Variants in FAF1 observed in about 807,000 individuals in gnomAD.
FAF1 encodes the protein FAS-associated factor 1.
FAF1 carries 25 observed loss-of-function variants against 92.5 expected under a neutral mutation model. That is an observed-to-expected ratio of 0.27 (90% confidence interval 0.20 to 0.38). The LOEUF is 0.38. Among genes scored for constraint, FAF1 ranks in the 10% least tolerant of loss-of-function variants. The pLI is 1.00. For missense variants in FAF1, 636 were observed against 793.3 expected (o/e 0.80, Z 2.38); for synonymous variants, 234 against 273.2 (o/e 0.86, Z 1.42).
chr1:50,694,030 T>TATGACATATACATGACATAC (rs1553129199), intron 7 of FAF1, among the ~76,000 whole-genome samples: 1 of 150,554 alleles, frequency 6.6e-6, no homozygotes, highest in African/African-American at 2.5e-5. Context: ...ATGACATATA[T>TATGACATATACATGACATAC]ATGACATATA....
intron 18 of FAF1, among the ~76,000 whole-genome samples, chr1:50,456,789 T>C (rs570052642): frequency 1.3e-4 from 20 of 151,960 alleles, no homozygotes; most frequent in Non-Finnish European, 2.2e-4. Context: ...TTCAGAACAG[T>C]AAAGGGCCAC....
chr1:50,718,964 A>C (rs1336148969), intron 6 of FAF1, among the ~76,000 whole-genome samples: 1 of 152,252 alleles, frequency 6.6e-6, no homozygotes, highest in African/African-American at 2.4e-5. Context: ...GGTTATTTAC[A>C]CTAAAACAAA....
At chr1:50,636,470 A>G (rs2124225132) in intron 8 of FAF1, among the ~76,000 whole-genome samples, 1 of 132,772 alleles carries the variant, frequency 7.5e-6, no homozygotes, top group African/African-American at 3.0e-5. Context: ...ACTGCAATCT[A>G]TGCCTCCCGG....
intron 15 of FAF1, among the ~76,000 whole-genome samples, chr1:50,511,018 A>C (rs749851610): frequency 1.3e-5 from 2 of 152,208 alleles, no homozygotes; most frequent in Non-Finnish European, 2.9e-5. Context: ...CTAGAAAGTT[A>C]ATTTCTTGTC....
intron 6 of FAF1, among the ~76,000 whole-genome samples, chr1:50,730,808 T>C (rs1460345005): frequency 6.6e-6 from 1 of 152,206 alleles, no homozygotes; most frequent in Non-Finnish European, 1.5e-5. Context: ...TATTTGCTCT[T>C]GAACTTCCCT....
intron 1 of FAF1, among the ~76,000 whole-genome samples, chr1:50,931,666 G>A (rs1439745935): frequency 6.6e-6 from 1 of 152,012 alleles, no homozygotes; most frequent in African/African-American, 2.4e-5. Context: ...AGCAGGTTGA[G>A]ACCATCCTAG....
chr1:50,946,605 GT>G (rs1319752682), intron 1 of FAF1, among the ~76,000 whole-genome samples: 3 of 152,308 alleles, frequency 2.0e-5, no homozygotes, highest in Admixed American at 1.3e-4. Context: ...AAGGATCTGA[GT>G]TTTATCCTGC....
intron 8 of FAF1, among the ~76,000 whole-genome samples, chr1:50,639,970 A>C (rs2124240492): frequency 6.7e-6 from 1 of 148,532 alleles, no homozygotes; most frequent in East Asian, 2.0e-4. Context: ...CTTTGTTGTT[A>C]TTTGTTGTTA....
intron 2 of FAF1, among the ~76,000 whole-genome samples, chr1:50,834,881 G>A (rs567859787): frequency 5.1e-4 from 77 of 152,146 alleles, no homozygotes; most frequent in Non-Finnish European, 7.9e-4. Flanking sequence ...GTATGCACAC[G>A]GCAAAGAAAA....
intron 8 of FAF1, among the ~76,000 whole-genome samples, chr1:50,639,300 T>C (rs761118380): frequency 3.9e-4 from 60 of 152,346 alleles, no homozygotes; most frequent in Admixed American, 1.9e-3. Flanking sequence ...CATTCCCCTT[T>C]GGAAAATATA....
At chr1:50,651,678 TTTTGTTGGTAAC>T (rs1412296716) in intron 8 of FAF1, among the ~76,000 whole-genome samples, 1 of 152,184 alleles carries the variant, frequency 6.6e-6, no homozygotes, top group Non-Finnish European at 1.5e-5. Context: ...TTAATTATAT[TTTTGTTGGTAAC>T]ACATTTCAGG....
At chr1:50,637,670 C>CAT (rs1430026587) in intron 8 of FAF1, among the ~76,000 whole-genome samples, 4 of 108,172 alleles carry the variant, frequency 3.7e-5, no homozygotes, top group African/African-American at 7.5e-5. Context: ...CTGTGGCTCA[C>CAT]ACATATATAT....
chr1:50,678,917 C>T (rs1174897660), intron 7 of FAF1, among the ~76,000 whole-genome samples: 2 of 151,080 alleles, frequency 1.3e-5, no homozygotes, highest in African/African-American at 4.9e-5. Context: ...GAAACCCCAT[C>T]TCTACTAAAA....
intron 6 of FAF1, among the ~76,000 whole-genome samples, chr1:50,733,306 C>T (rs1472975422): frequency 2.0e-5 from 3 of 152,186 alleles, no homozygotes; most frequent in Non-Finnish European, 4.4e-5. Flanking sequence ...GTACTGAAAT[C>T]TAGATCCCAG....
intron 17 of FAF1, among the ~76,000 whole-genome samples, chr1:50,478,102 TAG>T (rs1438168962): frequency 2.0e-5 from 3 of 152,160 alleles, no homozygotes; most frequent in African/African-American, 7.2e-5. Flanking sequence ...CTCTGTGGAT[TAG>T]AGTTATATAC....
At chr1:50,818,706 G>A (rs746719751) in intron 2 of FAF1, among the ~76,000 whole-genome samples, 7 of 152,010 alleles carry the variant, frequency 4.6e-5, no homozygotes, top group Admixed American at 1.3e-4. Flanking sequence ...GATTTTTTCA[G>A]ATTTTGGAAT....
At chr1:50,762,756 T>C (rs1660381964) in intron 4 of FAF1, among the ~76,000 whole-genome samples, 1 of 152,032 alleles carries the variant, frequency 6.6e-6, no homozygotes, top group African/African-American at 2.4e-5. Flanking sequence ...ACCTAGGCAT[T>C]ACCATTCAGG....
intron 2 of FAF1, among the ~76,000 whole-genome samples, chr1:50,802,898 G>A (rs760302704): frequency 9.9e-5 from 15 of 152,178 alleles, no homozygotes; most frequent in Non-Finnish European, 2.2e-4. Context: ...ACTAACTTAA[G>A]TATTTGCCAC....
intron 14 of FAF1, among the ~76,000 whole-genome samples, chr1:50,537,355 T>C (rs1219297762): frequency 6.6e-6 from 1 of 152,152 alleles, no homozygotes; most frequent in Admixed American, 6.6e-5. Flanking sequence ...ATTTAAGCCC[T>C]TATTGATCAA....
Sources: allele counts gnomAD v4.1 joint callset (sites outside exome capture counted in the v4.1 genomes callset), GRCh38; gene constraint gnomAD v4.1.1; transcripts MANE v1.5; gene names NCBI Gene and HGNC (gene_info 2026-07-23, HGNC 2026-07-21).